The following PALM variants were observed in gnomAD, a reference collection of about 807,000 sequenced individuals.
PALM encodes the protein paralemmin-1.
Under a neutral mutation model 30.7 loss-of-function variants are expected in PALM, and 18 were observed. That is an observed-to-expected ratio of 0.59 (90% CI 0.41 to 0.87). The LOEUF (loss-of-function observed/expected upper bound fraction) is 0.87. Ranked by LOEUF, PALM falls within the 40% of genes least tolerant of loss-of-function variation. The pLI, the probability that PALM is intolerant of heterozygous loss-of-function variation, is 0.00. For missense variants in PALM, 529 were observed against 555.4 expected (o/e 0.95, Z 0.48); for synonymous variants, 286 against 242.8 (o/e 1.18, Z -1.66).
intron 8 of PALM, among the ~76,000 whole-genome samples, chr19:744,511 A>G (rs933526058): frequency 6.6e-6 from 1 of 152,216 alleles, no homozygotes; most frequent in Non-Finnish European, 1.5e-5. Context: ...GAAAACAAAA[A>G]TAAATGAATG....
intron 1 of PALM, among the ~76,000 whole-genome samples, chr19:712,822 CCT>C (rs2032127669): frequency 1.3e-5 from 2 of 152,114 alleles, no homozygotes; most frequent in African/African-American, 2.4e-5. Flanking sequence ...ATTACAGGTG[CCT>C]GCCACCACGC....
At chr19:713,260 G>A (rs540543720) in intron 1 of PALM, among the ~76,000 whole-genome samples, 51 of 152,086 alleles carry the variant, frequency 3.4e-4, no homozygotes, top group Non-Finnish European at 6.6e-4. Flanking sequence ...TGGCCTTGTC[G>A]GTGGTCTTGG....
At chr19:738,295 G>A (rs189367680) in intron 7 of PALM, among the ~76,000 whole-genome samples, 1 of 152,152 alleles carries the variant, frequency 6.6e-6, no homozygotes, top group Non-Finnish European at 1.5e-5. Flanking sequence ...GGGAGGCCGA[G>A]GGGGGCAGAT....
chr19:732,274 G>A (rs1381392686), intron 5 of PALM, among the ~76,000 whole-genome samples: 3 of 152,186 alleles, frequency 2.0e-5, no homozygotes, highest in African/African-American at 4.8e-5. Context: ...CAGTATCCCC[G>A]TGTGATGGAA....
chr19:712,839 C>G (rs1338054934), intron 1 of PALM, among the ~76,000 whole-genome samples: 1 of 152,152 alleles, frequency 6.6e-6, no homozygotes, highest in Non-Finnish European at 1.5e-5. Flanking sequence ...CCACGCCCAG[C>G]TAATTTTTGT....
At chr19:725,846 C>T (rs1439188402) in intron 1 of PALM, among the ~76,000 whole-genome samples, 1 of 152,110 alleles carries the variant, frequency 6.6e-6, no homozygotes, top group Non-Finnish European at 1.5e-5. Context: ...CCTTCTCTGG[C>T]CTTTGATGCC....
intron 1 of PALM, 112 bp from the exon 2 acceptor site, chr19:726,026 A>T: frequency 2.5e-6 from 2 of 808,000 alleles, no homozygotes; most frequent in Non-Finnish European, 4.2e-6. Flanking sequence ...TCAGAGATGA[A>T]ATCCCTTGCC....
intron 2 of PALM, 59 bp from the exon 3 acceptor site, chr19:726,949 G>GGGGGGGGGGGGC: frequency 9.5e-7 from 1 of 1,051,986 alleles, no homozygotes; most frequent in Non-Finnish European, 1.4e-6. Context: ...TTGTGTGGGG[G>GGGGGGGGGGGGC]TGGGGGGGTC....
At chr19:720,490 C>T (rs2032436198) in intron 1 of PALM, among the ~76,000 whole-genome samples, 1 of 122,206 alleles carries the variant, frequency 8.2e-6, no homozygotes, top group Admixed American at 8.4e-5. Context: ...AGGGGGCGCC[C>T]GGGCCTGGGG....
chr19:734,214 C>G lies in PALM; in HGVS notation c.442+20C>G, dbSNP rs200182434. 5.1e-4 allele frequency: 815 copies of G among 1,611,844 alleles called. 5 individuals are homozygous for G. The African/African-American group carries it at 9.5e-3, about 19-fold the overall frequency. ...CCAAAGGTAGGACCTCTGGAAGGAA[C>G]TCGTGGGGCCTCGGCGCACTCTGGT... On this transcript the variant is annotated intron_variant, in intron 6 of 8. Coordinates refer to ENST00000338448, the MANE Select transcript of PALM (RefSeq NM_002579.3).
chr19:721,522 T>C (rs924645273), intron 1 of PALM, among the ~76,000 whole-genome samples: 6 of 152,166 alleles, frequency 3.9e-5, no homozygotes, highest in African/African-American at 1.4e-4. Context: ...CACCTTGGCC[T>C]CCCGAAGTGC....
intron 1 of PALM, among the ~76,000 whole-genome samples, chr19:723,073 A>G (rs1315374522): frequency 6.7e-6 from 1 of 148,652 alleles, no homozygotes; most frequent in Admixed American, 6.7e-5. Context: ...GCAGCCTCCC[A>G]GGCGGGGCTG....
Position 747,591 on chromosome 19 carries a change from C to G in PALM, c.*777C>G, listed in dbSNP as rs914584084. 6.5e-6 allele frequency: 1 copy of G among 153,070 alleles called. No individual in the cohort carries two copies. Among genetic ancestry groups the G allele is most frequent in the African/African-American group, 2.4e-5 (1 of 41,458 alleles). 9.5% of individuals were successfully genotyped at this position (153,070 alleles called of 1,614,324 possible). On this transcript the variant is annotated 3_prime_UTR_variant, in exon 9 of 9. Coordinates refer to ENST00000338448, the MANE Select transcript of PALM (RefSeq NM_002579.3). ...TGAGCCACTCCTTGTCCCGAGCTCC[C>G]GCCCCCACTGGGCCCTCCTTCCTCC...
chr19:729,455 C>A (rs113501443), intron 4 of PALM, among the ~76,000 whole-genome samples: 6 of 136,362 alleles, frequency 4.4e-5, no homozygotes, highest in Non-Finnish European at 6.2e-5. Flanking sequence ...TCCCACGGTG[C>A]GTCTTTTTTT....
Position 734,799 on chromosome 19 carries a change from C to T in PALM, c.442+605C>T, listed in dbSNP as rs916079757. The T allele has an allele frequency of 3.8e-5, 6 of 156,930 alleles. No homozygotes were observed. In the East Asian group the frequency reaches 7.7e-4, roughly 20 times the overall value. 9.7% of individuals were successfully genotyped at this position (156,930 alleles called of 1,614,324 possible). A position where few individuals can be genotyped will look rare whatever the true frequency, so the allele number is the denominator to read the frequency against. On this transcript the variant is annotated intron_variant, in intron 6 of 8. Coordinates refer to ENST00000338448, the MANE Select transcript of PALM (RefSeq NM_002579.3). ...TTGAGCTGTGATCGCACCACTGCAC[C>T]CCAGCCTGGGCGACAGAGCGAGACC...
intron 2 of PALM, 28 bp from the exon 3 acceptor site, chr19:726,980 C>A: frequency 8.0e-7 from 1 of 1,243,804 alleles, no homozygotes; most frequent in Non-Finnish European, 1.1e-6. Flanking sequence ...CCACGCCCAT[C>A]CCTGACCCCA....
intron 1 of PALM, among the ~76,000 whole-genome samples, chr19:724,455 G>A (rs1599145808): frequency 6.6e-6 from 1 of 152,046 alleles, no homozygotes; most frequent in Middle Eastern, 3.4e-3. Flanking sequence ...AAGTAGCTGG[G>A]ATTACAGGTG....
intron 1 of PALM, among the ~76,000 whole-genome samples, chr19:725,542 C>G (rs1313357111): frequency 6.6e-6 from 1 of 152,126 alleles, no homozygotes; most frequent in African/African-American, 2.4e-5. Flanking sequence ...GCCTGGGAGA[C>G]AGCAAGACTC....
At position 732,442 on chromosome 19, in the gene PALM, C is replaced by T. The variant is rs190614082; in HGVS notation, c.420+1197C>T. 8.7e-3 allele frequency among the ~76,000 whole-genome samples: 1,325 copies of T among 152,312 alleles called. 10 individuals are homozygous for T. The highest frequency in any genetic ancestry group is 0.014 in the Non-Finnish European group (958 of 68,036). On this transcript the variant is annotated intron_variant, in intron 5 of 8. Transcript: ENST00000338448. Reference sequence around the variant, plus strand: ...GGGCTTAGTGGCTCACGCCTGTAATCGCAGCACTTTGGGAGGCCGAGGCAG... The same window carrying T: ...GGGCTTAGTGGCTCACGCCTGTAATTGCAGCACTTTGGGAGGCCGAGGCAG...
Sources: gnomAD v4.1 joint callset for allele counts (sites outside exome capture counted in the v4.1 genomes callset) on GRCh38, gnomAD v4.1.1 for gene constraint, MANE v1.5 for transcripts, NCBI Gene and HGNC (gene_info 2026-07-23, HGNC 2026-07-21) for gene names.